Variants in SLC6A18 observed in about 807,000 individuals in gnomAD.
The protein encoded by SLC6A18 is inactive sodium-dependent neutral amino acid transporter B(0)AT3.
A neutral mutation model predicts 62.9 loss-of-function variants in SLC6A18; 58 were observed. The observed-to-expected ratio is 0.92, with a 90% CI of 0.75 to 1.15. The LOEUF (loss-of-function observed/expected upper bound fraction) is 1.15. Among genes scored for constraint, SLC6A18 ranks in the 50% most tolerant of loss-of-function variants. The pLI, the probability that SLC6A18 is intolerant of heterozygous loss-of-function variation, is 0.00. For missense variants in SLC6A18, 793 were observed against 836.6 expected, an observed-to-expected ratio of 0.95 and a Z score of 0.64; for synonymous variants, 382 against 365.8, an observed-to-expected ratio of 1.04 and a Z score of -0.51.
chr5:1,240,595 TC>T lies in SLC6A18; in HGVS notation c.912del (p.Ile305SerfsTer49), dbSNP rs1442465599. ...LVNRMTSLYASIAVFSVLGFK... is the reference protein window; with the variant it reads ...LVNRMTSLYAXIAVFSVLGFK... The stretch of plus-strand genomic sequence containing the variant: ...CAACAGGATGACCTCCCTGTACGCG[TC>T]CATCGCTGTCTTCTCTGTCCTGGGG... On this transcript the variant is annotated frameshift_variant, in exon 7 of 12. Transcript: ENST00000324642. LOFTEE classifies it high-confidence loss of function. 6.2e-7 allele frequency: 1 copy of T among 1,614,006 alleles called. No homozygotes were observed. The highest frequency in any genetic ancestry group is 8.5e-7 in the Non-Finnish European group (1 of 1,180,028).
At chr5:1,242,450 C>T (rs1156919985) in intron 7 of SLC6A18, among the ~76,000 whole-genome samples, 1 of 26,192 alleles carries the variant, frequency 3.8e-5, no homozygotes, top group Non-Finnish European at 7.8e-5. Flanking sequence ...GGGCAGGAGG[C>T]GTCCACACGA....
At chr5:1,230,274 C>T (rs1746696118) in intron 1 of SLC6A18, among the ~76,000 whole-genome samples, 1 of 152,110 alleles carries the variant, frequency 6.6e-6, no homozygotes, top group South Asian at 2.1e-4. Context: ...TCCCCCCATT[C>T]ACATGGGAGC....
intron 9 of SLC6A18, 50 bp from the exon 10 acceptor site, chr5:1,244,164 C>T: frequency 2.2e-6 from 2 of 925,262 alleles, no homozygotes; most frequent in East Asian, 2.4e-5. Flanking sequence ...CCTCCCCACA[C>T]CTCCACTCCC....
At position 1,241,322 on chromosome 5, in the gene SLC6A18, G is replaced by A. The variant is rs1282376318; in HGVS notation, c.974+663G>A. On this transcript the variant is annotated intron_variant, in intron 7 of 11. Coordinates refer to ENST00000324642, the MANE Select transcript of SLC6A18 (RefSeq NM_182632.3). This position sits in a 1 kb window ranked among gnomAD's most constrained non-coding sequence, Gnocchi z 7.8. ...GGCAGACAGCACGTCCCTGCAACAT[G>A]GGGTGACTCTGACCCCACCAGGGTA... Among the ~76,000 whole-genome samples, 2 of 152,198 alleles carry A rather than the reference G, an allele frequency of 1.3e-5. No homozygotes were observed. Among genetic ancestry groups the A allele is most frequent in the Non-Finnish European group, 2.9e-5 (2 of 68,026 alleles).
Position 1,239,701 on chromosome 5 carries a change from C to T in SLC6A18, c.845+139C>T, listed in dbSNP as rs1483634197. On this transcript the variant is annotated intron_variant, in intron 6 of 11. Coordinates refer to ENST00000324642, the MANE Select transcript of SLC6A18 (RefSeq NM_182632.3). ...TAAGAACCTCACGCCACAGTCTGGG[C>T]CCTCACGGCAGCTCCCAGCACGTCC... is the stretch of plus-strand genomic sequence containing the variant. 7 of 658,364 alleles carry T rather than the reference C, an allele frequency of 1.1e-5. No individual in the cohort carries two copies. The East Asian group carries it at 1.7e-4, about 16-fold the overall frequency. 40.8% of individuals were successfully genotyped at this position (658,364 alleles called of 1,614,324 possible).
chr5:1,237,807 A>G, intron 4 of SLC6A18, 143 bp from the exon 5 acceptor site: 1 of 637,848 alleles, frequency 1.6e-6, no homozygotes, highest in Non-Finnish European at 2.8e-6. Flanking sequence ...CCCAAGGTGC[A>G]CCCCCATCCG....
intron 1 of SLC6A18, among the ~76,000 whole-genome samples, chr5:1,226,902 G>A (rs976813511): frequency 4.6e-5 from 7 of 152,090 alleles, no homozygotes; most frequent in African/African-American, 1.4e-4. Flanking sequence ...ACCCACCAAC[G>A]CCTTGTTCGC....
chr5:1,240,693 C>T lies in SLC6A18; in HGVS notation c.974+34C>T, dbSNP rs757224563. 3.1e-6 allele frequency: 5 copies of T among 1,610,066 alleles called. No homozygotes were observed. The East Asian group carries it at 1.1e-4, about 36-fold the overall frequency. ...AGGTGCCGCGCCTGGCTCTGTGGGG[C>T]ACAGCCGCCAGACAGGTGCCTGCCG... is the stretch of plus-strand genomic sequence containing the variant. On this transcript the variant is annotated intron_variant, in intron 7 of 11. Coordinates refer to ENST00000324642, the MANE Select transcript of SLC6A18 (RefSeq NM_182632.3).
chr5:1,244,528 C>T, intron 10 of SLC6A18, 80 bp from the exon 11 acceptor site: 2 of 1,543,584 alleles, frequency 1.3e-6, no homozygotes, highest in Non-Finnish European at 1.8e-6. Context: ...GGTTGGACCC[C>T]AGTTAGGGTC....
chr5:1,233,601 T>G lies in SLC6A18; in HGVS notation c.439+713T>G, dbSNP rs866710138. Among the ~76,000 whole-genome samples, 35 of 150,930 alleles carry G rather than the reference T, an allele frequency of 2.3e-4. No individual in the cohort carries two copies. In the South Asian group the frequency reaches 2.5e-3, roughly 11 times the overall value. On this transcript the variant is annotated intron_variant, in intron 3 of 11. Coordinates refer to ENST00000324642, the MANE Select transcript of SLC6A18 (RefSeq NM_182632.3). ...TATTTTCTTCTTTTTTTTTTTTTTT[T>G]GGGACAAGGTCTCCCTCTATTGCCC... is the stretch of plus-strand genomic sequence containing the variant.
chr5:1,227,143 CCGATGA>C, intron 1 of SLC6A18, among the ~76,000 whole-genome samples: 3 of 147,080 alleles, frequency 2.0e-5, no homozygotes, highest in South Asian at 2.1e-4. Flanking sequence ...GCCTTGCCCG[CCGATGA>C]CTTGCCCGCC....
At position 1,245,967 on chromosome 5, in the gene SLC6A18, C is replaced by G; in HGVS notation, c.1776C>G (p.Thr592=). The change falls in exon 12 of 12, where the codon ACC becomes ACG. Residue 592 remains threonine (T), a synonymous_variant. Transcript: ENST00000324642. The stretch of plus-strand genomic sequence containing the variant: ...TGGCCGCGCTTGCTCAGCTGCTCAC[C>G]CGGCGGAGGCGGACGTGGAGGGACA... ...VPVAALAQLL[T]RRRRTWRDRD... is the part of the protein sequence containing the mutation. 1 of 1,601,186 alleles carries G rather than the reference C, an allele frequency of 6.2e-7. No homozygotes were observed. The highest frequency in any genetic ancestry group is 8.5e-7 in the Non-Finnish European group (1 of 1,178,962).
At chr5:1,244,169 A>ACCCCCCC in intron 9 of SLC6A18, 45 bp from the exon 10 acceptor site, 1 of 602,384 alleles carries the variant, frequency 1.7e-6, no homozygotes, top group South Asian at 1.9e-5. Flanking sequence ...CCACACCTCC[A>ACCCCCCC]CTCCCCATCC....
Position 1,245,944 on chromosome 5 carries a change from G to A in SLC6A18, c.1753G>A (p.Ala585Thr). Residue 585 changes from alanine (A) to threonine (T), a missense_variant, in exon 12 of 12, where the codon GCC (alanine) becomes ACC (threonine). Coordinates refer to ENST00000324642, the MANE Select transcript of SLC6A18 (RefSeq NM_182632.3). ...SLLPVLWVPV[A>T]ALAQLLTRRR... Reference sequence around the variant, plus strand: ...GCTGCCCGTGCTGTGGGTCCCGGTGGCCGCGCTTGCTCAGCTGCTCACCCG... The same window carrying A: ...GCTGCCCGTGCTGTGGGTCCCGGTGACCGCGCTTGCTCAGCTGCTCACCCG... 1 of 1,603,072 alleles carries A rather than the reference G, an allele frequency of 6.2e-7. No homozygotes were observed.
intron 5 of SLC6A18, among the ~76,000 whole-genome samples, 200 bp downstream of exon 5, chr5:1,238,260 A>G (rs13189855): frequency 0.35 from 19,490 of 55,944 alleles, 2,685 homozygotes; most frequent in African/African-American, 0.49. Context: ...GTTTGGAGTG[A>G]GCCTGGGGCC....
chr5:1,233,749 A>ATTTTTTT (rs70957337), intron 3 of SLC6A18, among the ~76,000 whole-genome samples: 17 of 138,716 alleles, frequency 1.2e-4, no homozygotes, highest in South Asian at 2.3e-4. Flanking sequence ...CACTCAGCTA[A>ATTTTTTT]TTTTTTTTTT....
chr5:1,225,476 C>T lies in SLC6A18; in HGVS notation c.-2C>T. The T allele has an allele frequency of 6.2e-7, 1 of 1,610,802 alleles. No homozygotes were observed. Among genetic ancestry groups the T allele is most frequent in the Admixed American group, 1.7e-5 (1 of 59,866 alleles). On this transcript the variant is annotated 5_prime_UTR_variant, in exon 1 of 12. Coordinates refer to ENST00000324642, the MANE Select transcript of SLC6A18 (RefSeq NM_182632.3). ...CCCTGAAGCCTGGGGCACTCAGTCA[C>T]CATGGCTCATGCCCCAGAACCGGAC...
At chr5:1,240,242 C>T in intron 6 of SLC6A18, among the ~76,000 whole-genome samples, 1 of 152,276 alleles carries the variant, frequency 6.6e-6, no homozygotes, top group Non-Finnish European at 1.5e-5. Context: ...TTCAGATCCT[C>T]TATGAATGCC....
intron 3 of SLC6A18, among the ~76,000 whole-genome samples, chr5:1,235,108 T>G (rs1045861401): frequency 6.6e-6 from 1 of 152,176 alleles, no homozygotes; most frequent in Non-Finnish European, 1.5e-5. Flanking sequence ...GCCACACACT[T>G]GACACATGCA....
Sources: gnomAD v4.1 joint callset for allele counts (sites outside exome capture counted in the v4.1 genomes callset) on GRCh38, gnomAD v4.1.1 for gene constraint, Gnocchi (gnomAD v3.1) non-coding constraint, MANE v1.5 for transcripts, NCBI Gene and HGNC (gene_info 2026-07-23, HGNC 2026-07-21) for gene names.